Variants in CCDC149 observed in about 807,000 individuals in gnomAD.
The protein encoded by CCDC149 is coiled-coil domain containing 149.
In CCDC149, 45 loss-of-function variants were observed where a neutral mutation model predicts 59.9. That is an observed-to-expected ratio of 0.75 (90% CI 0.59 to 0.96). CCDC149 has a LOEUF of 0.96. Ranked by LOEUF, CCDC149 falls within the 40% of genes least tolerant of loss-of-function variation. CCDC149 has a pLI of 0.00. For missense variants in CCDC149, 584 were observed against 664.7 expected (o/e 0.88, Z 1.33); for synonymous variants, 245 against 260.6 (o/e 0.94, Z 0.58).
At chr4:24,935,013 C>G (rs1246448269) in intron 1 of CCDC149, among the ~76,000 whole-genome samples, 2 of 152,178 alleles carry the variant, frequency 1.3e-5, no homozygotes, top group Admixed American at 6.5e-5. Flanking sequence ...AAGGATCCCA[C>G]TGGCTTCCAT....
At chr4:24,819,167 A>G (rs1355864447) in intron 12 of CCDC149, among the ~76,000 whole-genome samples, 1 of 152,164 alleles carries the variant, frequency 6.6e-6, no homozygotes, top group African/African-American at 2.4e-5. Flanking sequence ...CTTCCCATAT[A>G]CCAGGCAATG....
At chr4:24,953,070 C>G (rs1339818200) in intron 1 of CCDC149, among the ~76,000 whole-genome samples, 1 of 152,170 alleles carries the variant, frequency 6.6e-6, no homozygotes, top group Non-Finnish European at 1.5e-5. Flanking sequence ...ATAAAGTGCT[C>G]ATTCCCCCAG....
intron 1 of CCDC149, among the ~76,000 whole-genome samples, chr4:24,972,587 A>T (rs1165727549): frequency 6.6e-6 from 1 of 152,088 alleles, no homozygotes; most frequent in Admixed American, 6.6e-5. Flanking sequence ...AATTACAGAC[A>T]CGAGCCACCA....
At chr4:24,854,947 A>G (rs1002339227) in intron 3 of CCDC149, among the ~76,000 whole-genome samples, 6 of 152,112 alleles carry the variant, frequency 3.9e-5, no homozygotes, top group Non-Finnish European at 8.8e-5. Context: ...TAACCGATCG[A>G]TTTAATACTG....
chr4:24,947,798 T>C (rs1261610136), intron 1 of CCDC149, among the ~76,000 whole-genome samples: 1 of 151,440 alleles, frequency 6.6e-6, no homozygotes, highest in Non-Finnish European at 1.5e-5. Context: ...GTTTAGAAAA[T>C]TCATTACAAT....
chr4:24,813,503 T>TATATATATATACAC (rs1339352493), intron 12 of CCDC149, among the ~76,000 whole-genome samples: 1 of 135,692 alleles, frequency 7.4e-6, no homozygotes, highest in African/African-American at 2.9e-5. Flanking sequence ...TATATATATA[T>TATATATATATACAC]ATATATATAT....
chr4:24,874,859 C>T (rs977759582), intron 2 of CCDC149, among the ~76,000 whole-genome samples: 3 of 152,202 alleles, frequency 2.0e-5, no homozygotes, highest in African/African-American at 7.2e-5. Context: ...TGAAAACTAG[C>T]ATTATGCAGT....
chr4:24,966,580 C>T (rs774033547), intron 1 of CCDC149, among the ~76,000 whole-genome samples: 13 of 152,132 alleles, frequency 8.5e-5, no homozygotes, highest in Non-Finnish European at 1.8e-4. Flanking sequence ...GAAAGGAGGG[C>T]CCCAACAAGT....
chr4:24,950,154 G>T (rs1256490895), intron 1 of CCDC149, among the ~76,000 whole-genome samples: 2 of 152,218 alleles, frequency 1.3e-5, no homozygotes, highest in Non-Finnish European at 2.9e-5. Flanking sequence ...TCATGAGGTG[G>T]CAGAGAGAGT....
intron 1 of CCDC149, among the ~76,000 whole-genome samples, chr4:24,931,518 C>CT: frequency 6.6e-6 from 1 of 151,570 alleles, no homozygotes; most frequent in East Asian, 1.9e-4. Flanking sequence ...TTTCTAACAT[C>CT]TTTAGCTGCA....
chr4:24,926,915 T>C (rs929420724), intron 1 of CCDC149, among the ~76,000 whole-genome samples: 4 of 152,182 alleles, frequency 2.6e-5, no homozygotes, highest in Admixed American at 1.3e-4. Flanking sequence ...CCTCGCAGCA[T>C]GGCAGCCTCA....
At chr4:24,842,171 A>C (rs1029310605) in intron 4 of CCDC149, among the ~76,000 whole-genome samples, 2 of 152,224 alleles carry the variant, frequency 1.3e-5, no homozygotes, top group African/African-American at 4.8e-5. Flanking sequence ...ACCCTAAGTA[A>C]GAAAAGATGG....
intron 9 of CCDC149, 21 bp downstream of exon 9, chr4:24,831,485 C>A: frequency 6.2e-7 from 1 of 1,612,968 alleles, no homozygotes; most frequent in Non-Finnish European, 8.5e-7. Context: ...CACCCCCCAA[C>A]ACAAGAGTTT....
chr4:24,860,429 A>G (rs1388592888), intron 3 of CCDC149, among the ~76,000 whole-genome samples: 1 of 152,220 alleles, frequency 6.6e-6, no homozygotes, highest in Non-Finnish European at 1.5e-5. Context: ...CTCTCACCTT[A>G]TACAAAAGCC....
intron 1 of CCDC149, among the ~76,000 whole-genome samples, chr4:24,940,698 A>T (rs1189566060): frequency 6.6e-6 from 1 of 152,216 alleles, no homozygotes; most frequent in Non-Finnish European, 1.5e-5. Flanking sequence ...AGGATGGAGG[A>T]AGATCTACCA....
At chr4:24,865,218 A>G (rs1253483530) in intron 3 of CCDC149, among the ~76,000 whole-genome samples, 1 of 152,222 alleles carries the variant, frequency 6.6e-6, no homozygotes, top group African/African-American at 2.4e-5. Context: ...AATGAGAAAA[A>G]GAGACCAGAT....
intron 1 of CCDC149, among the ~76,000 whole-genome samples, chr4:24,890,749 C>T (rs1720478630): frequency 6.6e-6 from 1 of 152,236 alleles, no homozygotes. Flanking sequence ...ATACTTGAGT[C>T]AGGTGCACAT....
Position 24,891,402 on chromosome 4 carries a change from T to A in CCDC149, c.64-14705A>T, listed in dbSNP as rs1003101861. Among the ~76,000 whole-genome samples the A allele has an allele frequency of 3.3e-5, 5 of 152,290 alleles. No individual in the cohort carries two copies. The South Asian group carries it at 1.0e-3, about 32-fold the overall frequency. On this transcript the variant is annotated intron_variant, in intron 1 of 12. Transcript: ENST00000635206. ...AAAGGCTCCCATGGGTGACCCAAAT[T>A]AATTATGGCTTTCTGGGAAAATGGC...
At chr4:24,905,093 G>T (rs769828478) in intron 1 of CCDC149, among the ~76,000 whole-genome samples, 1 of 151,894 alleles carries the variant, frequency 6.6e-6, no homozygotes, top group Non-Finnish European at 1.5e-5. Flanking sequence ...GTAGAGACAG[G>T]GTTTCACCAT....
Sources: allele counts gnomAD v4.1 joint callset (sites outside exome capture counted in the v4.1 genomes callset), GRCh38; gene constraint gnomAD v4.1.1; transcripts MANE v1.5; gene names NCBI Gene and HGNC (gene_info 2026-07-23, HGNC 2026-07-21).